The following SQOR variants were observed in gnomAD, a reference collection of about 807,000 sequenced individuals.
SQOR encodes the protein sulfide:quinone oxidoreductase, mitochondrial.
SQOR carries 39 observed loss-of-function variants against 48.6 expected under a neutral mutation model. The observed-to-expected ratio is 0.80, with a 90% CI of 0.62 to 1.05. The LOEUF is 1.05. Among genes scored for constraint, SQOR ranks in the 50% least tolerant of loss-of-function variants. The pLI, the probability that SQOR is intolerant of heterozygous loss-of-function variation, is 0.00. For synonymous variants in SQOR, 220 were observed against 206.2 expected (o/e 1.07, Z -0.57); for missense variants, 561 against 559.9 (o/e 1.00, Z -0.02).
At chr15:45,650,239 A>C (rs376580494) in intron 1 of SQOR, among the ~76,000 whole-genome samples, 1 of 152,200 alleles carries the variant, frequency 6.6e-6, no homozygotes, top group African/African-American at 2.4e-5. Context: ...TCCTGGGCTG[A>C]AACCGTCCTC....
chr15:45,651,110 G>C (rs999388213), intron 1 of SQOR, among the ~76,000 whole-genome samples: 1 of 152,256 alleles, frequency 6.6e-6, no homozygotes, highest in Non-Finnish European at 1.5e-5. Context: ...CCACCGCTGG[G>C]GGGCTGGGGC....
intron 1 of SQOR, among the ~76,000 whole-genome samples, chr15:45,644,081 C>T (rs531007290): frequency 1.3e-5 from 2 of 152,082 alleles, no homozygotes; most frequent in South Asian, 2.1e-4. Context: ...ATAGAGACGG[C>T]GTATTTTTTT....
At chr15:45,690,343 G>A (rs1368470364) in intron 9 of SQOR, among the ~76,000 whole-genome samples, 2 of 152,146 alleles carry the variant, frequency 1.3e-5, no homozygotes, top group Non-Finnish European at 2.9e-5. Context: ...TGGGATTACC[G>A]GTGTGAGCCA....
intron 1 of SQOR, among the ~76,000 whole-genome samples, chr15:45,646,800 A>C (rs999359482): frequency 1.3e-5 from 2 of 152,066 alleles, no homozygotes; most frequent in Non-Finnish European, 2.9e-5. Flanking sequence ...ATTTTGTTTC[A>C]TCTACACCCC....
intron 1 of SQOR, among the ~76,000 whole-genome samples, chr15:45,647,364 T>C (rs1191386924): frequency 1.3e-5 from 2 of 149,828 alleles, no homozygotes; most frequent in African/African-American, 4.9e-5. Flanking sequence ...TCTTTGTCTG[T>C]GGCCCAGGCA....
intron 3 of SQOR, among the ~76,000 whole-genome samples, chr15:45,664,315 T>C (rs1889773605): frequency 6.6e-6 from 1 of 152,220 alleles, no homozygotes; most frequent in Non-Finnish European, 1.5e-5. Flanking sequence ...AATACTTTTA[T>C]TCCTTGTTTT....
At chr15:45,644,911 T>C (rs1377645187) in intron 1 of SQOR, among the ~76,000 whole-genome samples, 2 of 152,068 alleles carry the variant, frequency 1.3e-5, no homozygotes, top group Non-Finnish European at 2.9e-5. Flanking sequence ...GATTGATTGG[T>C]TTACATATCA....
chr15:45,670,511 G>A (rs1244137436), intron 4 of SQOR, among the ~76,000 whole-genome samples: 2 of 152,206 alleles, frequency 1.3e-5, no homozygotes, highest in Non-Finnish European at 2.9e-5. Flanking sequence ...GTGAGCTAGG[G>A]AGCCAGATGC....
chr15:45,675,079 G>A (rs1239625080), intron 5 of SQOR, among the ~76,000 whole-genome samples: 2 of 152,138 alleles, frequency 1.3e-5, no homozygotes, highest in African/African-American at 4.8e-5. Context: ...GTCATAAAGG[G>A]CTGGCACAGC....
intron 1 of SQOR, among the ~76,000 whole-genome samples, chr15:45,657,034 C>T (rs1889623753): frequency 6.6e-6 from 1 of 152,132 alleles, no homozygotes; most frequent in Non-Finnish European, 1.5e-5. Flanking sequence ...TCTTGAACTG[C>T]TGACCTCAGG....
chr15:45,677,817 C>A (rs1890063576), intron 6 of SQOR, among the ~76,000 whole-genome samples: 3 of 152,368 alleles, frequency 2.0e-5, no homozygotes, highest in African/African-American at 7.2e-5. Context: ...TCTCTTGCCT[C>A]AGCTTCATGA....
intron 8 of SQOR, 45 bp from the exon 9 acceptor site, chr15:45,688,994 A>G: frequency 1.9e-6 from 3 of 1,555,018 alleles, no homozygotes; most frequent in Non-Finnish European, 2.6e-6. Flanking sequence ...ATATAGTACC[A>G]TGAAAAAAAT....
At chr15:45,638,868 A>G (rs1895058351) in intron 1 of SQOR, among the ~76,000 whole-genome samples, 2 of 152,208 alleles carry the variant, frequency 1.3e-5, no homozygotes, top group African/African-American at 4.8e-5. Flanking sequence ...ACGCAAAGGC[A>G]CACTGAGAAG....
chr15:45,658,226 T>A (rs1332143280), intron 1 of SQOR, among the ~76,000 whole-genome samples: 1 of 152,196 alleles, frequency 6.6e-6, no homozygotes, highest in Non-Finnish European at 1.5e-5. Flanking sequence ...CTTTTATGGC[T>A]TTCTAAAATC....
At chr15:45,650,184 G>C (rs1242018321) in intron 1 of SQOR, among the ~76,000 whole-genome samples, 1 of 152,134 alleles carries the variant, frequency 6.6e-6, no homozygotes, top group South Asian at 2.1e-4. Context: ...CTGTCGCCCA[G>C]GCTAGAGTGC....
At chr15:45,677,762 G>A (rs564008576) in intron 6 of SQOR, among the ~76,000 whole-genome samples, 1 of 152,314 alleles carries the variant, frequency 6.6e-6, no homozygotes, top group Admixed American at 6.5e-5. Flanking sequence ...GTGCAGTGGT[G>A]CAATCTCAGC....
chr15:45,658,291 A>AGTG (rs1555401045), intron 1 of SQOR, among the ~76,000 whole-genome samples: 1 of 152,174 alleles, frequency 6.6e-6, no homozygotes, highest in Non-Finnish European at 1.5e-5. Context: ...GTCGGTAGCC[A>AGTG]GTGATTTGAT....
intron 3 of SQOR, among the ~76,000 whole-genome samples, chr15:45,668,220 A>C (rs951192270): frequency 2.0e-5 from 3 of 152,142 alleles, no homozygotes; most frequent in African/African-American, 7.2e-5. Context: ...CTGGGATTAC[A>C]GGCATGAGCC....
intron 5 of SQOR, among the ~76,000 whole-genome samples, chr15:45,674,554 C>G (rs1890002725): frequency 6.6e-6 from 1 of 152,104 alleles, no homozygotes. Context: ...CTATCCACTA[C>G]TTCCACTCAA....
Sources: allele counts gnomAD v4.1 joint callset (sites outside exome capture counted in the v4.1 genomes callset), GRCh38; gene constraint gnomAD v4.1.1; transcripts MANE v1.5; gene names NCBI Gene and HGNC (gene_info 2026-07-23, HGNC 2026-07-21).